The following AZIN1 variants were observed in gnomAD, a reference collection of about 807,000 sequenced individuals.
AZIN1 encodes antizyme inhibitor 1.
Under a neutral mutation model 47.4 loss-of-function variants are expected in AZIN1, and 12 were observed. The ratio of observed to expected loss-of-function variants is 0.25; its 90% CI spans 0.16 to 0.41. AZIN1 has a LOEUF of 0.41. AZIN1 is among the 10% of genes least tolerant of loss of function. AZIN1 has a pLI of 1.00. For missense variants in AZIN1, 410 were observed against 532.4 expected (o/e 0.77, Z 2.26); for synonymous variants, 155 against 176.3 (o/e 0.88, Z 0.96).
chr8:102,831,938 AAAC>A (rs957830022), intron 9 of AZIN1, among the ~76,000 whole-genome samples: 78 of 152,218 alleles, frequency 5.1e-4, no homozygotes, highest in African/African-American at 1.5e-3. Context: ...CTGGGCGACA[AAAC>A]AACAAGAAAA....
chr8:102,831,637 G>A (rs1345588288), intron 9 of AZIN1, among the ~76,000 whole-genome samples: 5 of 82,244 alleles, frequency 6.1e-5, no homozygotes, highest in African/African-American at 2.4e-4. Flanking sequence ...GAGCAAAACA[G>A]TCTCAAAAAA....
chr8:102,846,807 C>A (rs1812596011), intron 2 of AZIN1, among the ~76,000 whole-genome samples: 1 of 152,150 alleles, frequency 6.6e-6, no homozygotes, highest in Non-Finnish European at 1.5e-5. Context: ...CTACTCACAG[C>A]CTTTCTTCAT....
chr8:102,836,914 T>C (rs1431473717), intron 5 of AZIN1, among the ~76,000 whole-genome samples: 1 of 152,178 alleles, frequency 6.6e-6, no homozygotes, highest in East Asian at 1.9e-4. Flanking sequence ...TTTTTTTTCT[T>C]TTTTTTCTGA....
chr8:102,828,380 C>A lies in AZIN1; in HGVS notation c.*187G>T. The A allele has an allele frequency of 4.4e-6, 2 of 454,134 alleles. No homozygotes were observed. The highest frequency in any genetic ancestry group is 7.9e-6 in the Non-Finnish European group (2 of 252,426). 28.1% of individuals were successfully genotyped at this position (454,134 alleles called of 1,614,324 possible). The stretch of plus-strand genomic sequence containing the variant: ...TTAAATCTGGATACATTATCTAAAT[C>A]TCCCATTATCCCCAATGAATTATAG... On this transcript the variant is annotated 3_prime_UTR_variant, in exon 12 of 12. Coordinates refer to ENST00000337198, the MANE Select transcript of AZIN1 (RefSeq NM_148174.4).
chr8:102,835,023 G>T, intron 6 of AZIN1: 1 of 289,232 alleles, frequency 3.5e-6, no homozygotes, highest in East Asian at 6.4e-5. Flanking sequence ...TATACAATAA[G>T]GTGTGCTTTT....
chr8:102,843,148 G>C (rs140869189), intron 3 of AZIN1, among the ~76,000 whole-genome samples: 4 of 150,094 alleles, frequency 2.7e-5, no homozygotes, highest in Non-Finnish European at 5.9e-5. Flanking sequence ...AGGGTTGCAC[G>C]TGAGCCAAGA....
chr8:102,833,005 T>C (rs764065885), intron 9 of AZIN1, 51 bp downstream of exon 9: 7 of 1,478,244 alleles, frequency 4.7e-6, no homozygotes, highest in Non-Finnish European at 6.5e-6. Flanking sequence ...ATTTCCAGAC[T>C]AACTGCAATT....
intron 2 of AZIN1, among the ~76,000 whole-genome samples, chr8:102,846,729 C>T (rs1373574167): frequency 6.6e-6 from 1 of 152,038 alleles, no homozygotes; most frequent in South Asian, 2.1e-4. Context: ...CCCTTTCAGA[C>T]ATATGAACAC....
intron 1 of AZIN1, among the ~76,000 whole-genome samples, chr8:102,861,551 C>A (rs1417089772): frequency 6.6e-6 from 1 of 151,852 alleles, no homozygotes. Flanking sequence ...AAAAAACAAC[C>A]AAGGGACAGT....
chr8:102,838,859 T>C lies in AZIN1; in HGVS notation c.334A>G (p.Ser112Gly), dbSNP rs748852648. 2.5e-6 allele frequency: 4 copies of C among 1,613,976 alleles called. No homozygotes were observed. In the East Asian group the frequency reaches 6.7e-5, roughly 27 times the overall value. ...ATCTGAGACACTTGCTTGCAAGGAC[T>C]TATGTAAATAATGTTTTCTGGAGGT... The part of the protein sequence containing the change: ...GVPPENIIYI[S>G]PCKQVSQIKY... The change falls in exon 5 of 12, where the codon AGT (serine) becomes GGT (glycine). Residue 112 changes from serine to glycine, a missense_variant. Ser to Gly is a moderately conservative substitution (Grantham distance 56). Around this residue, in one of 3 missense-constraint regions of AZIN1, gnomAD observed 237 missense variants for 309.4 expected, o/e 0.77. Transcript: ENST00000337198.
chr8:102,849,513 C>A (rs1812796017), intron 2 of AZIN1, among the ~76,000 whole-genome samples: 1 of 151,904 alleles, frequency 6.6e-6, no homozygotes, highest in African/African-American at 2.4e-5. Context: ...TGCTATTGGA[C>A]CTTGAACTAA....
chr8:102,857,900 C>T, intron 2 of AZIN1, 113 bp downstream of exon 2: 1 of 396,614 alleles, frequency 2.5e-6, no homozygotes, highest in Non-Finnish European at 4.4e-6. Context: ...TTAAAAGTCA[C>T]TGCACTTTAA....
At chr8:102,839,954 C>T in intron 3 of AZIN1, 131 bp from the exon 4 acceptor site, 1 of 513,536 alleles carries the variant, frequency 1.9e-6, no homozygotes, top group Non-Finnish European at 3.3e-6. Flanking sequence ...TACAGTAATA[C>T]ATTTAAAGCT....
intron 2 of AZIN1, among the ~76,000 whole-genome samples, chr8:102,847,862 T>A (rs1465278710): frequency 6.6e-6 from 1 of 152,202 alleles, no homozygotes; most frequent in Non-Finnish European, 1.5e-5. Context: ...CCCAAAGTGT[T>A]GCAATTACCG....
Position 102,839,812 on chromosome 8 carries a change from A to G in AZIN1, c.114T>C (p.Asn38=). The change falls in exon 4 of 12, where the codon AAT becomes AAC. Residue 38 remains asparagine, a synonymous_variant. Transcript: ENST00000337198. ...YVYEHTLTGK[N]AFFVGDLGKI... ...TTCCAAGATCTCCCACAAAAAATGC[A>G]TTTTTCCCTGTCTATTATGGTTATA... The G allele has an allele frequency of 1.3e-6, 2 of 1,595,060 alleles. No individual in the cohort carries two copies. The highest frequency in any genetic ancestry group is 1.2e-5 in the South Asian group (1 of 86,820).
At chr8:102,856,418 C>G (rs141248061) in intron 2 of AZIN1, among the ~76,000 whole-genome samples, 1 of 152,186 alleles carries the variant, frequency 6.6e-6, no homozygotes, top group Non-Finnish European at 1.5e-5. Flanking sequence ...GAGGGAGACA[C>G]TATAGACTTT....
chr8:102,860,406 G>GC (rs1813561340), intron 1 of AZIN1, among the ~76,000 whole-genome samples: 1 of 152,130 alleles, frequency 6.6e-6, no homozygotes, highest in Admixed American at 6.5e-5. Flanking sequence ...CGGATTACAG[G>GC]CATGTGCCAC....
intron 2 of AZIN1, among the ~76,000 whole-genome samples, chr8:102,848,459 T>A (rs1812725623): frequency 6.6e-6 from 1 of 152,182 alleles, no homozygotes; most frequent in Non-Finnish European, 1.5e-5. Flanking sequence ...GGCTAGTCTC[T>A]AATTCTTGGG....
At chr8:102,834,601 TTA>T (rs1491556104) in intron 7 of AZIN1, 63 bp downstream of exon 7, 67 of 1,277,900 alleles carry the variant, frequency 5.2e-5, no homozygotes, top group Non-Finnish European at 7.2e-5. Flanking sequence ...CAGAAAATAC[TTA>T]GTCTTTAACT....
Sources: allele counts gnomAD v4.1 joint callset (sites outside exome capture counted in the v4.1 genomes callset), GRCh38; gene constraint gnomAD v4.1.1; regional missense constraint gnomAD v4.1.1; transcripts MANE v1.5; gene names NCBI Gene and HGNC (gene_info 2026-07-23, HGNC 2026-07-21).